The following RANBP2 variants were observed in gnomAD, a reference collection of about 807,000 sequenced individuals.
The protein encoded by RANBP2 is E3 SUMO-protein ligase RanBP2.
RANBP2 carries 57 observed loss-of-function variants against 303.6 expected under a neutral mutation model. The observed-to-expected ratio is 0.19, with a 90% CI of 0.15 to 0.23. The LOEUF is 0.23. Among genes scored for constraint, RANBP2 ranks in the 10% least tolerant of loss-of-function variants. The pLI, the probability that RANBP2 is intolerant of heterozygous loss-of-function variation, is 1.00. For missense variants in RANBP2, 3,138 were observed against 3,780.8 expected, an observed-to-expected ratio of 0.83 and a Z score of 4.46; for synonymous variants, 1,167 against 1,301.5, an observed-to-expected ratio of 0.90 and a Z score of 2.23.
the RANBP2 span, among the ~76,000 whole-genome samples, chr2:109,557,718 G>C: frequency 1.3e-5 from 2 of 152,100 alleles, no homozygotes; most frequent in African/African-American, 4.8e-5. Context: ...AAAGAGAATG[G>C]TCTATAAAGT....
chr2:109,413,944 G>A, the RANBP2 span, among the ~76,000 whole-genome samples: 1 of 152,232 alleles, frequency 6.6e-6, no homozygotes, highest in Non-Finnish European at 1.5e-5. Flanking sequence ...CCCAGGAAGC[G>A]CCTGTGCATG....
the RANBP2 span, among the ~76,000 whole-genome samples, chr2:108,830,187 G>A: frequency 1.2e-4 from 19 of 152,258 alleles, no homozygotes; most frequent in Admixed American, 4.6e-4. Context: ...TTCTGCTTCC[G>A]TGCATGCAGT....
the RANBP2 span, among the ~76,000 whole-genome samples, chr2:109,166,719 C>T: frequency 6.6e-6 from 1 of 152,226 alleles, no homozygotes; most frequent in Non-Finnish European, 1.5e-5. Flanking sequence ...GGAATGTCTT[C>T]TTCCTTTTTC....
At chr2:108,876,504 T>G in the RANBP2 span, 1 of 261,746 alleles carries the variant, frequency 3.8e-6, no homozygotes, top group Non-Finnish European at 7.1e-6. Context: ...AGTGACTTTT[T>G]GTAAAAATAT....
At chr2:109,022,393 C>G in the RANBP2 span, among the ~76,000 whole-genome samples, 4 of 152,248 alleles carry the variant, frequency 2.6e-5, no homozygotes, top group African/African-American at 9.6e-5. Context: ...TGGACAGCGT[C>G]GCTCATTTGT....
the RANBP2 span, among the ~76,000 whole-genome samples, chr2:109,463,299 T>C: frequency 6.6e-6 from 1 of 152,260 alleles, no homozygotes; most frequent in African/African-American, 2.4e-5. Context: ...GCTGTCTGTT[T>C]TGGTAACTTG....
chr2:109,493,465 A>G, the RANBP2 span, among the ~76,000 whole-genome samples: 1 of 149,970 alleles, frequency 6.7e-6, no homozygotes, highest in African/African-American at 2.5e-5. Flanking sequence ...CACATACACT[A>G]TACATACAAA....
the RANBP2 span, among the ~76,000 whole-genome samples, chr2:108,958,156 C>T: frequency 1.3e-5 from 2 of 151,882 alleles, no homozygotes; most frequent in Admixed American, 6.6e-5. Context: ...GAAAGAAAGG[C>T]GGGAGAGAAA....
At chr2:109,003,809 A>G in the RANBP2 span, among the ~76,000 whole-genome samples, 3 of 152,218 alleles carry the variant, frequency 2.0e-5, no homozygotes, top group Admixed American at 6.5e-5. Context: ...AAAATGTGCT[A>G]GCAAGGGACA....
chr2:108,851,801 A>T, the RANBP2 span, among the ~76,000 whole-genome samples: 1 of 152,178 alleles, frequency 6.6e-6, no homozygotes, highest in Admixed American at 6.5e-5. Flanking sequence ...ACCCAACATC[A>T]TAACAAAGAC....
the RANBP2 span, among the ~76,000 whole-genome samples, chr2:109,491,880 C>T: frequency 6.6e-6 from 1 of 152,224 alleles, no homozygotes; most frequent in Non-Finnish European, 1.5e-5. Flanking sequence ...GGGAAGGCAG[C>T]CTCTGCCCTG....
At chr2:109,535,459 T>C in the RANBP2 span, among the ~76,000 whole-genome samples, 1 of 151,980 alleles carries the variant, frequency 6.6e-6, no homozygotes, top group Admixed American at 6.6e-5. Flanking sequence ...GGGCTGTAGC[T>C]TGGTGTCCTG....
chr2:109,610,744 T>A, the RANBP2 span, among the ~76,000 whole-genome samples: 1 of 152,008 alleles, frequency 6.6e-6, no homozygotes, highest in African/African-American at 2.4e-5. Context: ...TGAAGAGAAA[T>A]ACTATGTACA....
the RANBP2 span, among the ~76,000 whole-genome samples, chr2:109,507,179 C>T: frequency 6.6e-6 from 1 of 152,140 alleles, no homozygotes; most frequent in Non-Finnish European, 1.5e-5. Flanking sequence ...AGAGCACAGC[C>T]CCTGCCCACT....
the RANBP2 span, among the ~76,000 whole-genome samples, chr2:109,496,994 C>G: frequency 6.6e-6 from 1 of 152,150 alleles, no homozygotes; most frequent in Admixed American, 6.5e-5. Context: ...AAGGCAGCTT[C>G]TAGCAACTGG....
At chr2:109,432,284 C>T in the RANBP2 span, among the ~76,000 whole-genome samples, 1 of 152,178 alleles carries the variant, frequency 6.6e-6, no homozygotes, top group South Asian at 2.1e-4. Context: ...CCCTCCCCTG[C>T]AGGCAGCTCC....
the RANBP2 span, among the ~76,000 whole-genome samples, chr2:109,047,076 C>A: frequency 1.3e-5 from 2 of 152,068 alleles, no homozygotes; most frequent in Non-Finnish European, 2.9e-5. Flanking sequence ...GTCCTCCCAC[C>A]GAGAACCCAG....
the RANBP2 span, among the ~76,000 whole-genome samples, chr2:109,342,666 C>T: frequency 2.6e-5 from 4 of 152,186 alleles, no homozygotes; most frequent in Non-Finnish European, 4.4e-5. Context: ...CTCAGGGGTA[C>T]GGCTTGCCTG....
the RANBP2 span, among the ~76,000 whole-genome samples, chr2:108,793,425 C>T: frequency 1.3e-4 from 20 of 152,194 alleles, no homozygotes; most frequent in African/African-American, 4.8e-4. Flanking sequence ...CAGTATAGTG[C>T]TGGCAAGGAT....
Sources: gnomAD v4.1 joint callset for allele counts (sites outside exome capture counted in the v4.1 genomes callset) on GRCh38, gnomAD v4.1.1 for gene constraint, MANE v1.5 for transcripts, NCBI Gene and HGNC (gene_info 2026-07-23, HGNC 2026-07-21) for gene names.